The following ATP2B2 variants were observed in gnomAD, a reference collection of about 807,000 sequenced individuals.
ATP2B2 encodes ATPase plasma membrane Ca2+ transporting 2.
A neutral mutation model predicts 120.0 loss-of-function variants in ATP2B2; 15 were observed. That is an observed-to-expected ratio of 0.12 (90% CI 0.08 to 0.19). ATP2B2 has a LOEUF of 0.19. ATP2B2 is among the 10% of genes least tolerant of loss of function. The probability of loss-of-function intolerance (pLI) is 1.00; values close to 1 mark genes in which losing one functional copy is unlikely to be tolerated. For missense variants in ATP2B2, 1,045 were observed against 1,719.8 expected (o/e 0.61, Z 6.94); for synonymous variants, 694 against 700.3 (o/e 0.99, Z 0.14).
intron 1 of ATP2B2, among the ~76,000 whole-genome samples, chr3:10,695,278 G>A (rs1013930630): frequency 3.3e-5 from 5 of 151,768 alleles, no homozygotes; most frequent in African/African-American, 1.2e-4. Flanking sequence ...GAGAGAGAGA[G>A]AGAGAGACAG....
intron 10 of ATP2B2, among the ~76,000 whole-genome samples, chr3:10,376,337 G>C (rs1001469951): frequency 3.3e-5 from 5 of 151,574 alleles, no homozygotes; most frequent in African/African-American, 1.2e-4. Context: ...AGGGTGGCCA[G>C]GGAAGGCTTC....
At chr3:10,686,043 CTTTTT>C (rs34073958) in intron 1 of ATP2B2, among the ~76,000 whole-genome samples, 2 of 93,222 alleles carry the variant, frequency 2.1e-5, no homozygotes, top group South Asian at 3.6e-4. Flanking sequence ...TTCCTCCTTT[CTTTTT>C]TTTTTTTTTT....
At chr3:10,469,308 G>C (rs1668888806) in intron 1 of ATP2B2, among the ~76,000 whole-genome samples, 1 of 152,190 alleles carries the variant, frequency 6.6e-6, no homozygotes, top group African/African-American at 2.4e-5. Context: ...CTATGAGGCA[G>C]GTATTCTTAT....
rs1052766436 is a variant in ATP2B2, at chr3:10,347,929, C to G, written c.2405-1792G>C. On this transcript the variant is annotated intron_variant, in intron 16 of 22. Transcript: ENST00000360273. This position sits in a 1 kb window ranked among gnomAD's most constrained non-coding sequence, Gnocchi z 5.2. The stretch of plus-strand genomic sequence containing the variant: ...TCTCAGCAACTATTTCCACCATGGA[C>G]CACACCTTCCTCCTCCACAGGCCTC... Among the ~76,000 whole-genome samples, 40 of 152,130 alleles carry G rather than the reference C, an allele frequency of 2.6e-4. No individual in the cohort carries two copies. Among genetic ancestry groups the G allele is most frequent in the African/African-American group, 9.7e-4 (40 of 41,406 alleles).
At chr3:10,665,188 A>C (rs1264899309) in intron 1 of ATP2B2, among the ~76,000 whole-genome samples, 2 of 152,164 alleles carry the variant, frequency 1.3e-5, no homozygotes. Flanking sequence ...ATGAAGAATA[A>C]AATCCATACA....
intron 2 of ATP2B2, among the ~76,000 whole-genome samples, chr3:10,424,882 T>C (rs1559321711): frequency 6.6e-6 from 1 of 152,324 alleles, no homozygotes; most frequent in East Asian, 1.9e-4. Context: ...TATGTAAATG[T>C]GTAGCAAGAG....
At chr3:10,601,196 AAAG>A (rs1319160054) in intron 2 of ATP2B2, among the ~76,000 whole-genome samples, 3 of 152,142 alleles carry the variant, frequency 2.0e-5, no homozygotes, top group Admixed American at 6.5e-5. Flanking sequence ...TCTAGGCAAA[AAAG>A]AAGAAGGAGT....
At chr3:10,354,422 T>G (rs1217366356) in intron 14 of ATP2B2, among the ~76,000 whole-genome samples, 2 of 152,214 alleles carry the variant, frequency 1.3e-5, no homozygotes, top group Non-Finnish European at 2.9e-5. Context: ...ATCCTAGATA[T>G]TTCTCACTGA....
chr3:10,533,630 C>G (rs556877719), intron 3 of ATP2B2, among the ~76,000 whole-genome samples: 1 of 152,224 alleles, frequency 6.6e-6, no homozygotes, highest in Non-Finnish European at 1.5e-5. Flanking sequence ...GGGCATGGCC[C>G]AGAGGGTAGA....
intron 1 of ATP2B2, among the ~76,000 whole-genome samples, chr3:10,489,874 C>A (rs1264745843): frequency 6.6e-6 from 1 of 152,238 alleles, no homozygotes; most frequent in Admixed American, 6.5e-5. Context: ...AACTTACAAC[C>A]ATTTAGCCTG....
rs61736456 is a variant in ATP2B2 at position 10,375,478 on chromosome 3, G to C, written c.1368C>G (p.Pro456=). 1.2e-6 allele frequency: 2 copies of C among 1,612,964 alleles called. No individual in the cohort carries two copies. Among genetic ancestry groups the C allele is most frequent in the African/African-American group, 1.3e-5 (1 of 74,830 alleles). Residue 456 remains proline (P), a synonymous_variant, in exon 11 of 23, where the codon CCC becomes CCG. Transcript: ENST00000360273. This position sits in a 1 kb window ranked among gnomAD's most constrained non-coding sequence, Gnocchi z 4.2. ...IGVTVLVVAV[P]EGLPLAVTIS... is the part of the protein sequence containing the mutation. ...TGGTGACGGCCAGAGGGAGCCCCTC[G>C]GGCACGGCGACCACCAGCACCGTCA...
At chr3:10,420,671 G>GT (rs1189578504) in intron 2 of ATP2B2, among the ~76,000 whole-genome samples, 2 of 152,212 alleles carry the variant, frequency 1.3e-5, no homozygotes, top group Non-Finnish European at 2.9e-5. Context: ...CTGGGCCTTG[G>GT]TTTTTTCACG....
At chr3:10,694,942 G>C (rs9855088) in intron 1 of ATP2B2, among the ~76,000 whole-genome samples, 57,119 of 151,576 alleles carry the variant, frequency 0.38, 13,682 homozygotes, top group African/African-American at 0.68. Context: ...TGGCCTGTAT[G>C]CAAGCCATTT....
chr3:10,340,211 A>G lies in ATP2B2; in HGVS notation c.3237+31T>C, dbSNP rs372164680. 42 of 1,603,696 alleles carry G rather than the reference A, an allele frequency of 2.6e-5. No individual in the cohort carries two copies. Among genetic ancestry groups the G allele is most frequent in the Middle Eastern group, 1.7e-4 (1 of 5,782 alleles). On this transcript the variant is annotated intron_variant, in intron 21 of 22. Transcript: ENST00000360273. The surrounding 1 kb of genome is among the most constrained non-coding windows in gnomAD (Gnocchi z 5.0). ...GTGCTGTCTCCCTTGCCCTGCTAAC[A>G]GGCACCTCCTGCGACCTACCAGGAA... is the stretch of plus-strand genomic sequence containing the variant.
intron 17 of ATP2B2, among the ~76,000 whole-genome samples, 185 bp downstream of exon 17, chr3:10,345,846 A>G (rs1370192612): frequency 6.6e-6 from 1 of 152,156 alleles, no homozygotes; most frequent in Non-Finnish European, 1.5e-5. Flanking sequence ...CCCCCAGAGC[A>G]AGAAGCATCC....
intron 1 of ATP2B2, among the ~76,000 whole-genome samples, chr3:10,485,377 G>A (rs1054762109): frequency 6.6e-6 from 1 of 152,204 alleles, no homozygotes; most frequent in African/African-American, 2.4e-5. Context: ...TCTGTGCTGG[G>A]CGAGGGCACA....
chr3:10,621,805 C>G (rs1042194746), intron 1 of ATP2B2, among the ~76,000 whole-genome samples: 26 of 152,206 alleles, frequency 1.7e-4, no homozygotes, highest in Non-Finnish European at 3.2e-4. Flanking sequence ...GAAGTTGAGT[C>G]CCAGAGAAGT....
intron 2 of ATP2B2, among the ~76,000 whole-genome samples, chr3:10,589,610 T>A (rs2068594544): frequency 6.6e-6 from 1 of 152,170 alleles, no homozygotes; most frequent in Non-Finnish European, 1.5e-5. Context: ...TCTCAGAAAC[T>A]CTTGTGGGCC....
At chr3:10,354,921 A>T (rs936400077) in intron 14 of ATP2B2, among the ~76,000 whole-genome samples, 9 of 152,168 alleles carry the variant, frequency 5.9e-5, no homozygotes, top group African/African-American at 2.2e-4. Context: ...TTCTGCATAA[A>T]GGGACGAGTC....
Sources: allele counts gnomAD v4.1 joint callset (sites outside exome capture counted in the v4.1 genomes callset), GRCh38; gene constraint gnomAD v4.1.1; non-coding constraint Gnocchi (gnomAD v3.1); transcripts MANE v1.5; gene names NCBI Gene and HGNC (gene_info 2026-07-23, HGNC 2026-07-21).